ARHGAP10: variants seen among roughly 807,000 people sequenced by gnomAD.
ARHGAP10 encodes rho GTPase-activating protein 10.
In ARHGAP10, 87 loss-of-function variants were observed where a neutral mutation model predicts 108.6. The observed-to-expected ratio is 0.80, with a 90% CI of 0.67 to 0.96. ARHGAP10 has a LOEUF of 0.96. Ranked by LOEUF, ARHGAP10 falls within the 40% of genes least tolerant of loss-of-function variation. The pLI is 0.00. For missense variants in ARHGAP10, 939 were observed against 954.5 expected (o/e 0.98, Z 0.21); for synonymous variants, 347 against 341.1 (o/e 1.02, Z -0.19).
chr4:148,012,893 T>A (rs1741218004), intron 18 of ARHGAP10, among the ~76,000 whole-genome samples: 1 of 151,354 alleles, frequency 6.6e-6, no homozygotes, highest in South Asian at 2.1e-4. Flanking sequence ...GTAGAAATGT[T>A]CCTTTGTAGG....
At chr4:147,933,442 C>G (rs1737784720) in intron 13 of ARHGAP10, among the ~76,000 whole-genome samples, 1 of 151,434 alleles carries the variant, frequency 6.6e-6, no homozygotes, top group South Asian at 2.1e-4. Flanking sequence ...GAGGGATTAG[C>G]TGTTTATTTT....
intron 9 of ARHGAP10, among the ~76,000 whole-genome samples, chr4:147,880,182 C>A (rs1396037375): frequency 6.6e-6 from 1 of 152,180 alleles, no homozygotes; most frequent in Non-Finnish European, 1.5e-5. Flanking sequence ...GACAAAGCTT[C>A]CCACCAATGT....
At chr4:148,060,345 G>GTCT (rs1729560337) in intron 20 of ARHGAP10, among the ~76,000 whole-genome samples, 4 of 135,074 alleles carry the variant, frequency 3.0e-5, no homozygotes, top group Admixed American at 7.3e-5. Context: ...CTCATGTTTA[G>GTCT]TTTTTTTTTT....
In ARHGAP10 at chr4:147,864,733, A is replaced by G. The variant is rs545039207; in HGVS notation, c.487-113A>G. The G allele has an allele frequency of 3.0e-5, 24 of 794,346 alleles. No homozygotes were observed. The African/African-American group carries it at 4.2e-4, about 14-fold the overall frequency. The allele number at this position is 794,346 out of a possible 1,614,324, so 49.2% of individuals were successfully genotyped here. ...CCTGTGTTGCAATACTTTATTTACA[A>G]AATCAGGCAGCACACCGTATTTTGG... On this transcript the variant is annotated intron_variant, in intron 5 of 22. Coordinates refer to ENST00000336498, the MANE Select transcript of ARHGAP10 (RefSeq NM_024605.4).
intron 3 of ARHGAP10, among the ~76,000 whole-genome samples, chr4:147,841,786 T>C (rs1485798083): frequency 6.6e-6 from 1 of 152,230 alleles, no homozygotes; most frequent in Non-Finnish European, 1.5e-5. Flanking sequence ...AGGAAAATCA[T>C]AATTTTAAGC....
intron 6 of ARHGAP10, 55 bp from the exon 7 acceptor site, chr4:147,866,657 C>G: frequency 7.5e-7 from 1 of 1,338,074 alleles, no homozygotes; most frequent in Non-Finnish European, 1.1e-6. Flanking sequence ...TTATATGATT[C>G]TTTTTTTCTC....
rs780444290 is a variant in ARHGAP10 at position 148,064,040 on chromosome 4, G to A, written c.2181-376G>A. The stretch of plus-strand genomic sequence containing the variant: ...TGCCGCCTCCTTCTGCCGGCTGGCC[G>A]TGTGTCTCCAGGTGCGTGTGCTTTT... On this transcript the variant is annotated intron_variant, in intron 21 of 22. Coordinates refer to ENST00000336498, the MANE Select transcript of ARHGAP10 (RefSeq NM_024605.4). Among the ~76,000 whole-genome samples, 17 of 152,306 alleles carry A rather than the reference G, an allele frequency of 1.1e-4. No homozygotes were observed. The East Asian group carries it at 1.4e-3, about 12-fold the overall frequency.
At chr4:148,008,907 C>T (rs145495596) in intron 18 of ARHGAP10, among the ~76,000 whole-genome samples, 40 of 152,072 alleles carry the variant, frequency 2.6e-4, no homozygotes, top group African/African-American at 8.0e-4. Flanking sequence ...TTAAGTCGGA[C>T]GTTAAAGAGA....
intron 1 of ARHGAP10, among the ~76,000 whole-genome samples, chr4:147,803,719 T>C (rs1731669413): frequency 6.6e-6 from 1 of 152,256 alleles, no homozygotes. Flanking sequence ...TTACTTAATA[T>C]AATGACCTCC....
chr4:148,010,777 A>G (rs776304741), intron 18 of ARHGAP10, among the ~76,000 whole-genome samples: 1 of 152,184 alleles, frequency 6.6e-6, no homozygotes, highest in Non-Finnish European at 1.5e-5. Context: ...GCTGAATCAG[A>G]ATCTGCATTT....
chr4:147,934,883 T>C (rs1410715705), intron 13 of ARHGAP10, among the ~76,000 whole-genome samples: 2 of 152,134 alleles, frequency 1.3e-5, no homozygotes, highest in Non-Finnish European at 2.9e-5. Context: ...AAGGAATCAA[T>C]TATGAGTTAT....
intron 18 of ARHGAP10, among the ~76,000 whole-genome samples, chr4:148,003,663 G>A (rs2149647658): frequency 6.6e-6 from 1 of 152,282 alleles, no homozygotes; most frequent in Admixed American, 6.5e-5. Context: ...TTACCATTAT[G>A]TAATGGCCTT....
chr4:147,929,690 A>G (rs1261650547), intron 13 of ARHGAP10, among the ~76,000 whole-genome samples: 1 of 152,160 alleles, frequency 6.6e-6, no homozygotes. Context: ...ATTCTTAGCC[A>G]GATTGCTAGG....
intron 4 of ARHGAP10, among the ~76,000 whole-genome samples, chr4:147,852,704 CTT>C (rs869139032): frequency 2.8e-5 from 3 of 105,518 alleles, no homozygotes; most frequent in East Asian, 3.0e-4. Context: ...CATCACCAAA[CTT>C]TTTTTTTTTT....
At chr4:147,985,995 G>A (rs530990663) in intron 18 of ARHGAP10, among the ~76,000 whole-genome samples, 8 of 152,298 alleles carry the variant, frequency 5.3e-5, no homozygotes, top group South Asian at 2.1e-4. Context: ...GTCCTTTGCT[G>A]TTGAAGTGGA....
At chr4:147,875,222 C>T in intron 8 of ARHGAP10, 72 bp downstream of exon 8, 2 of 1,434,670 alleles carry the variant, frequency 1.4e-6, no homozygotes, top group African/African-American at 1.4e-5. Flanking sequence ...GCTATTCTTG[C>T]CATTACTGTG....
At chr4:148,047,127 G>A in intron 20 of ARHGAP10, 76 bp downstream of exon 20, 1 of 1,545,340 alleles carries the variant, frequency 6.5e-7, no homozygotes, top group East Asian at 2.3e-5. Context: ...TCCATGAGCA[G>A]TGACCTGTGG....
At chr4:147,862,246 C>T (rs72724349) in intron 5 of ARHGAP10, 1,707 of 152,742 alleles carry the variant, frequency 0.011, 16 homozygotes, top group Middle Eastern at 0.023. Context: ...GGCAACAGTA[C>T]CTGGGCTTGG....
chr4:148,059,846 GCCAGTTCCC>G (rs1332067632), intron 20 of ARHGAP10, among the ~76,000 whole-genome samples: 1 of 152,148 alleles, frequency 6.6e-6, no homozygotes, highest in African/African-American at 2.4e-5. Context: ...GTTTTCTTGT[GCCAGTTCCC>G]TGAGTTCCAG....
Sources: gnomAD v4.1 joint callset for allele counts (sites outside exome capture counted in the v4.1 genomes callset) on GRCh38, gnomAD v4.1.1 for gene constraint, MANE v1.5 for transcripts, NCBI Gene and HGNC (gene_info 2026-07-23, HGNC 2026-07-21) for gene names.